KPNA2: variants seen among roughly 807,000 people sequenced by gnomAD.
KPNA2 encodes the protein karyopherin subunit alpha 2.
A neutral mutation model predicts 53.7 loss-of-function variants in KPNA2; 20 were observed. The ratio of observed to expected loss-of-function variants is 0.37; its 90% confidence interval spans 0.26 to 0.54. The LOEUF is 0.54. Ranked by LOEUF, KPNA2 falls within the 20% of genes least tolerant of loss-of-function variation. KPNA2 has a pLI of 0.83. For synonymous variants in KPNA2, 238 were observed against 227.5 expected, an observed-to-expected ratio of 1.05 and a Z score of -0.42; for missense variants, 515 against 640.3, an observed-to-expected ratio of 0.80 and a Z score of 2.11.
chr17:68,041,621 G>A (rs1164866854), intron 4 of KPNA2, among the ~76,000 whole-genome samples: 2 of 152,146 alleles, frequency 1.3e-5, no homozygotes, highest in African/African-American at 2.4e-5. Context: ...AGCTACTAAG[G>A]AGGCTGAGGT....
At chr17:68,041,897 G>A (rs917617570) in intron 4 of KPNA2, among the ~76,000 whole-genome samples, 188 bp from the exon 5 acceptor site, 4 of 152,110 alleles carry the variant, frequency 2.6e-5, no homozygotes, top group African/African-American at 4.8e-5. Context: ...TAATTATACC[G>A]CATACATAGC....
intron 10 of KPNA2, 57 bp downstream of exon 10, chr17:68,045,978 A>G: frequency 8.5e-7 from 1 of 1,179,640 alleles, no homozygotes; most frequent in South Asian, 1.9e-5. Context: ...CAAGGCCATA[A>G]GCCTTTTTTT....
At position 68,042,953 on chromosome 17, in the gene KPNA2, A is replaced by G; in HGVS notation, c.620A>G (p.Asp207Gly). ...TTGGTTATTAAGTACGGTGCAGTTG[A>G]CCCACTGTTGGCTCTCCTTGCAGTT... ...RDLVIKYGAV[D>G]PLLALLAVPD... The change falls in exon 6 of 11, where the codon GAC (aspartate) becomes GGC (glycine). Residue 207 changes from aspartate to glycine, a missense_variant. Transcript: ENST00000330459. The G allele has an allele frequency of 1.2e-6, 2 of 1,613,450 alleles. No individual in the cohort carries two copies. The highest frequency in any genetic ancestry group is 2.2e-5 in the South Asian group (2 of 91,054).
chr17:68,037,559 A>G, intron 3 of KPNA2, 64 bp downstream of exon 3: 1 of 1,462,860 alleles, frequency 6.8e-7, no homozygotes, highest in Admixed American at 2.0e-5. Context: ...GACTTTTCTT[A>G]GAAATTCAAG....
chr17:68,037,558 T>C (rs1006533032), intron 3 of KPNA2, 63 bp downstream of exon 3: 13 of 1,487,552 alleles, frequency 8.7e-6, no homozygotes, highest in Non-Finnish European at 1.2e-5. Context: ...GGACTTTTCT[T>C]AGAAATTCAA....
chr17:68,042,109 G>T lies in KPNA2; in HGVS notation c.327G>T (p.Gln109His), dbSNP rs1555704633. ...GGAAACTACTTTCCAGAGAAAAACA[G>T]CCCCCCATAGACAACATAATCCGGG... The part of the protein sequence containing the change: ...AARKLLSREK[Q>H]PPIDNIIRAG... The change falls in exon 5 of 11, where the codon CAG becomes CAT. Residue 109 changes from glutamine to histidine, a missense_variant. Coordinates refer to ENST00000330459, the MANE Select transcript of KPNA2 (RefSeq NM_002266.4). The T allele has an allele frequency of 6.2e-7, 1 of 1,613,308 alleles. No homozygotes were observed. The highest frequency in any genetic ancestry group is 2.2e-5 in the East Asian group (1 of 44,866).
At chr17:68,042,036 CTT>C (rs1473303243) in intron 4 of KPNA2, 47 bp from the exon 5 acceptor site, 10 of 1,514,258 alleles carry the variant, frequency 6.6e-6, no homozygotes, top group Non-Finnish European at 9.0e-6. Context: ...ACACAAACTC[CTT>C]TTGTTAATCA....
intron 1 of KPNA2, among the ~76,000 whole-genome samples, chr17:68,036,740 A>G (rs551650826): frequency 6.6e-6 from 1 of 152,368 alleles, no homozygotes; most frequent in East Asian, 1.9e-4. Context: ...GATGTCAGTT[A>G]TTTTATATAT....
Position 68,037,199 on chromosome 17 carries a change from G to A in KPNA2, c.67G>A (p.Asp23Asn), listed in dbSNP as rs183061920. Residue 23 changes from aspartate (D) to asparagine (N), a missense_variant, in exon 2 of 11, where the codon GAC becomes AAC. Asp to Asn is a conservative substitution (Grantham distance 23). Coordinates refer to ENST00000330459, the MANE Select transcript of KPNA2 (RefSeq NM_002266.4). ...TCACAGATTCAAGAACAAGGGAAAA[G>A]ACAGTACAGTGAGTACCTTCTGTTG... ...RLHRFKNKGK[D>N]STEMRRRRIE... The A allele has an allele frequency of 9.9e-6, 16 of 1,612,332 alleles. No individual in the cohort carries two copies. In the African/African-American group the frequency reaches 2.0e-4, roughly 20 times the overall value.
rs2071297378 is a variant in KPNA2, at chr17:68,043,988, A to G, written c.1081A>G (p.Asn361Asp). Residue 361 changes from asparagine to aspartate, a missense_variant, in exon 8 of 11, where the codon AAC (asparagine) becomes GAC (aspartate). Coordinates refer to ENST00000330459, the MANE Select transcript of KPNA2 (RefSeq NM_002266.4). ...IQKEATWTMS[N>D]ITAGRQDQIQ... Reference sequence around the variant, plus strand: ...GAAGGAAGCTACGTGGACAATGTCAAACATCACAGCCGGCCGCCAGGACCA... The same window carrying G: ...GAAGGAAGCTACGTGGACAATGTCAGACATCACAGCCGGCCGCCAGGACCA... 1 of 1,613,900 alleles carries G rather than the reference A, an allele frequency of 6.2e-7. No homozygotes were observed. The highest frequency in any genetic ancestry group is 1.3e-5 in the African/African-American group (1 of 74,928).
rs781796285 is a variant in KPNA2 at position 68,042,347 on chromosome 17, A to G, written c.565A>G (p.Ile189Val). 59 of 1,613,618 alleles carry G rather than the reference A, an allele frequency of 3.7e-5. No homozygotes were observed. The highest frequency in any genetic ancestry group is 4.8e-5 in the Non-Finnish European group (57 of 1,179,706). ...ACAAGCTGTCTGGGCTCTAGGAAAC[A>G]TTGCAGGTACTTGGACTTGAAGTTC... The part of the protein sequence containing the change: ...SEQAVWALGN[I>V]AGDGSVFRDL... The change falls in exon 5 of 11, where the codon ATT becomes GTT. Residue 189 changes from isoleucine (I) to valine (V), a missense_variant. Coordinates refer to ENST00000330459, the MANE Select transcript of KPNA2 (RefSeq NM_002266.4).
Position 68,044,283 on chromosome 17 carries a change from A to G in KPNA2, c.1165-38A>G, listed in dbSNP as rs2071302330. 3.2e-6 allele frequency: 5 copies of G among 1,557,308 alleles called. No individual in the cohort carries two copies. The African/African-American group carries it at 4.1e-5, about 13-fold the overall frequency. On this transcript the variant is annotated intron_variant, in intron 8 of 10. Transcript: ENST00000330459. The stretch of plus-strand genomic sequence containing the variant: ...GTACTCTTGGAATCTTATTTGTGCA[A>G]CTGTTCTGAAATAAAACCATTTCCT...
At position 68,045,824 on chromosome 17, in the gene KPNA2, G is replaced by A. The variant is rs1377772847; in HGVS notation, c.1400G>A (p.Cys467Tyr). 4 of 1,605,706 alleles carry A rather than the reference G, an allele frequency of 2.5e-6. No homozygotes were observed. The highest frequency in any genetic ancestry group is 2.2e-5 in the East Asian group (1 of 44,758). Reference sequence around the variant, plus strand: ...AAACTTAGTATAATGATTGAAGAATGTGGAGGCTTAGACAAAATTGAAGCT... The same window carrying A: ...AAACTTAGTATAATGATTGAAGAATATGGAGGCTTAGACAAAATTGAAGCT... ...TEKLSIMIEE[C>Y]GGLDKIEALQ... Residue 467 changes from cysteine (C) to tyrosine (Y), a missense_variant, in exon 10 of 11, where the codon TGT becomes TAT. Physicochemically the swap from Cys to Tyr is radical, Grantham distance 194 (BLOSUM62 -2). Coordinates refer to ENST00000330459, the MANE Select transcript of KPNA2 (RefSeq NM_002266.4).
chr17:68,043,052 A>G (rs781789612), intron 6 of KPNA2, 48 bp from the exon 7 acceptor site: 1 of 1,612,844 alleles, frequency 6.2e-7, no homozygotes. Context: ...AATTTCCCCC[A>G]TCTTCTCAAA....
chr17:68,046,184 C>T (rs1452271454), intron 10 of KPNA2, among the ~76,000 whole-genome samples: 1 of 152,062 alleles, frequency 6.6e-6, no homozygotes, highest in Non-Finnish European at 1.5e-5. Context: ...GGTAAGTTAA[C>T]GGGTGTCATT....
Position 68,046,587 on chromosome 17 carries a change from T to C in KPNA2, c.1581T>C (p.Phe527=). The stretch of plus-strand genomic sequence containing the variant: ...TTCAGGATGGGGCTCCTGGGACCTT[T>C]AACTTTTAGATCATGTAGCTGAGAC... ...FQVQDGAPGT[F]NF Residue 527 remains phenylalanine (F), a synonymous_variant, in exon 11 of 11, where the codon TTT becomes TTC. Coordinates refer to ENST00000330459, the MANE Select transcript of KPNA2 (RefSeq NM_002266.4). 1 of 1,598,362 alleles carries C rather than the reference T, an allele frequency of 6.3e-7. No individual in the cohort carries two copies. The highest frequency in any genetic ancestry group is 8.6e-7 in the Non-Finnish European group (1 of 1,166,472).
chr17:68,037,799 CTTTT>C (rs797028460), intron 3 of KPNA2, among the ~76,000 whole-genome samples: 2 of 142,554 alleles, frequency 1.4e-5, no homozygotes, highest in Non-Finnish European at 3.1e-5. Flanking sequence ...TTTATTTCTT[CTTTT>C]TTTTTTTTTT....
intron 3 of KPNA2, 49 bp from the exon 4 acceptor site, chr17:68,040,629 T>G: frequency 8.0e-7 from 1 of 1,244,154 alleles, no homozygotes; most frequent in Non-Finnish European, 1.2e-6. Context: ...GATTTTATTG[T>G]TTGTATTTAA....
Position 68,039,274 on chromosome 17 carries a change from C to G in KPNA2, c.214-1404C>G, listed in dbSNP as rs576142661. On this transcript the variant is annotated intron_variant, in intron 3 of 10. Transcript: ENST00000330459. ...TAGCTGGGATCACAGGGGATCACCA[C>G]GATGTCTAGCTAATTTTTGCATTTT... Among the ~76,000 whole-genome samples, 13 of 151,918 alleles carry G rather than the reference C, an allele frequency of 8.6e-5. No homozygotes were observed. The South Asian group carries it at 2.5e-3, about 29-fold the overall frequency.
Sources: allele counts gnomAD v4.1 joint callset (sites outside exome capture counted in the v4.1 genomes callset), GRCh38; gene constraint gnomAD v4.1.1; transcripts MANE v1.5; gene names NCBI Gene and HGNC (gene_info 2026-07-23, HGNC 2026-07-21).